Variants in SH3D21 observed in about 807,000 individuals in gnomAD.
SH3D21 encodes manchette microtubule inner protein 1.
A neutral mutation model predicts 82.1 loss-of-function variants in SH3D21; 83 were observed. That is an observed-to-expected ratio of 1.01 (90% CI 0.85 to 1.21). The LOEUF is 1.21. Among genes scored for constraint, SH3D21 ranks in the 50% most tolerant of loss-of-function variants. The pLI is 0.00. For synonymous variants in SH3D21, 383 were observed against 387.8 expected (o/e 0.99, Z 0.15); for missense variants, 980 against 962.1 (o/e 1.02, Z -0.25).
chr1:36,311,250 T>A (rs1164643239), intron 10 of SH3D21, among the ~76,000 whole-genome samples: 2 of 151,630 alleles, frequency 1.3e-5, no homozygotes, highest in East Asian at 3.9e-4. Flanking sequence ...TTTGTTTGTT[T>A]GATTGTTTTT....
At chr1:36,322,408 C>T (rs1289253382), downstream of SH3D21, 1 of 1,600,606 alleles carries the variant, frequency 6.2e-7, no homozygotes, top group Non-Finnish European at 8.5e-7. Flanking sequence ...AGGATCCGTT[C>T]GCGCTCCTCC....
downstream of SH3D21, chr1:36,322,521 G>T (rs779886034): frequency 2.5e-6 from 4 of 1,600,856 alleles, no homozygotes; most frequent in South Asian, 4.4e-5. Flanking sequence ...CGTGTCGTCG[G>T]GGCCCAGCCG....
chr1:36,320,670 G>A lies in SH3D21; in HGVS notation c.2007G>A (p.Thr669=), dbSNP rs1332038004. 2 of 1,614,252 alleles carry A rather than the reference G, an allele frequency of 1.2e-6. No homozygotes were observed. The highest frequency in any genetic ancestry group is 4.5e-5 in the East Asian group (2 of 44,892). ...PIKPPPDSQE[T]LALPSLVPQN... is the part of the protein sequence containing the mutation. ...AGCCGCCTCCAGACTCCCAAGAGAC[G>A]CTCGCGCTCCCCTCGCTGGTCCCGC... is the stretch of plus-strand genomic sequence containing the variant. Residue 669 remains threonine, a synonymous_variant, in exon 14 of 16, where the codon ACG becomes ACA. Coordinates refer to ENST00000453908, the MANE Select transcript of SH3D21 (RefSeq NM_001162530.2).
intron 10 of SH3D21, among the ~76,000 whole-genome samples, chr1:36,318,419 T>C (rs1646380046): frequency 6.6e-6 from 1 of 152,036 alleles, no homozygotes; most frequent in Non-Finnish European, 1.5e-5. Flanking sequence ...TTGATGAAAA[T>C]TAAACCCATA....
At chr1:36,308,507 G>A in intron 9 of SH3D21, 32 bp downstream of exon 9, 1 of 1,540,808 alleles carries the variant, frequency 6.5e-7, no homozygotes, top group South Asian at 1.2e-5. Flanking sequence ...TCAGGTGGCA[G>A]GGGCAGGCTA....
At position 36,320,230 on chromosome 1, in the gene SH3D21, G is replaced by A. The variant is rs1646423056; in HGVS notation, c.1567G>A (p.Asp523Asn). The change falls in exon 14 of 16, where the codon GAT becomes AAT. Residue 523 changes from aspartate to asparagine, a missense_variant. Transcript: ENST00000453908. Reference protein sequence around the residue: ...QKVKYFVAKEDPSSQEEAHTP... With the variant: ...QKVKYFVAKENPSSQEEAHTP... ...GGTCAAGTACTTTGTAGCCAAAGAGGATCCATCATCCCAGGAGGAGGCCCA... is the reference window on the plus strand; with the variant it reads ...GGTCAAGTACTTTGTAGCCAAAGAGAATCCATCATCCCAGGAGGAGGCCCA... 5 of 1,613,152 alleles carry A rather than the reference G, an allele frequency of 3.1e-6. No individual in the cohort carries two copies. Among genetic ancestry groups the A allele is most frequent in the Non-Finnish European group, 4.2e-6 (5 of 1,180,002 alleles).
In SH3D21 at chr1:36,313,972, C is replaced by CTTTTTTTTTGTTTTTTTTTTT. The variant is rs1646291499; in HGVS notation, c.769+4391_769+4392insGTTTTTTTTTTTTTTTTTTTT. On this transcript the variant is annotated intron_variant, in intron 10 of 15. Transcript: ENST00000453908. ...TGGCTAATGATGCTGAACATATTTT[C>CTTTTTTTTTGTTTTTTTTTTT]TTTTTTTTTTTTTTTTTTTTGAGAC... 5.4e-5 allele frequency among the ~76,000 whole-genome samples: 2 copies of CTTTTTTTTTGTTTTTTTTTTT among 36,784 alleles called. 1 individual carries two copies. The highest frequency in any genetic ancestry group is 1.1e-4 in the Non-Finnish European group (2 of 18,480). The allele number at this position is 36,784 out of a possible 152,430, so 24.1% of individuals were successfully genotyped here.
intron 14 of SH3D21, 44 bp downstream of exon 14, chr1:36,320,842 TAGCCCTCACCTGCGCAGCCCCTCACCTCC>T (rs753853307): frequency 2.2e-5 from 34 of 1,550,174 alleles, no homozygotes; most frequent in Middle Eastern, 1.7e-4. Flanking sequence ...GGGTTCCCCC[TAGCCCTCACCTGCGCAGCCCCTCACCTCC>T]AGCCCTCACC....
chr1:36,310,100 G>A (rs1256883359), intron 10 of SH3D21, among the ~76,000 whole-genome samples: 1 of 151,778 alleles, frequency 6.6e-6, no homozygotes, highest in Non-Finnish European at 1.5e-5. Flanking sequence ...GACTACAGGC[G>A]CCCGCCACCA....
intron 10 of SH3D21, 48 bp from the exon 11 acceptor site, chr1:36,319,021 CAG>C (rs1010609515): frequency 1.8e-6 from 2 of 1,140,594 alleles, no homozygotes; most frequent in African/African-American, 3.1e-5. Context: ...CAGCACAAGA[CAG>C]GGCTAGCGAC....
chr1:36,310,244 G>T (rs1333085636), intron 10 of SH3D21, among the ~76,000 whole-genome samples: 2 of 152,220 alleles, frequency 1.3e-5, no homozygotes, highest in Non-Finnish European at 2.9e-5. Context: ...GTGAGCCACT[G>T]CGCCCAGCCT....
chr1:36,319,567 A>T (rs781733315), intron 13 of SH3D21, 31 bp downstream of exon 13: 2 of 1,551,532 alleles, frequency 1.3e-6, no homozygotes, highest in South Asian at 2.4e-5. Context: ...GAGAGTGGGG[A>T]TGCTGGGCAG....
rs1292883275 is a variant in SH3D21, at chr1:36,307,764, C to G, written c.437-6C>G. 6.4e-7 allele frequency: 1 copy of G among 1,551,576 alleles called. No individual in the cohort carries two copies. The highest frequency in any genetic ancestry group is 8.7e-7 in the Non-Finnish European group (1 of 1,146,940). On this transcript the variant is annotated splice_region_variant and splice_polypyrimidine_tract_variant and intron_variant, in intron 5 of 15. Coordinates refer to ENST00000453908, the MANE Select transcript of SH3D21 (RefSeq NM_001162530.2). The surrounding 1 kb of genome is among the most constrained non-coding windows in gnomAD (Gnocchi z 5.4). Reference sequence around the variant, plus strand: ...CACCCTCCCTAACCTCACTGTCCCCCACTAGGCCTTGGTAACCCAGACATG... The same window carrying G: ...CACCCTCCCTAACCTCACTGTCCCCGACTAGGCCTTGGTAACCCAGACATG...
chr1:36,318,399 C>G (rs1320817038), intron 10 of SH3D21, among the ~76,000 whole-genome samples: 2 of 152,068 alleles, frequency 1.3e-5, no homozygotes, highest in Non-Finnish European at 2.9e-5. Context: ...ATTTGGGAGT[C>G]ATTGACTTAT....
chr1:36,314,207 C>T (rs1646299248), intron 10 of SH3D21, among the ~76,000 whole-genome samples: 1 of 150,956 alleles, frequency 6.6e-6, no homozygotes, highest in African/African-American at 2.4e-5. Flanking sequence ...GATCTCCTGA[C>T]CTCGTGATTC....
In SH3D21 at chr1:36,321,242, C is replaced by A; in HGVS notation, c.*115C>A. ...CTGCCTAGCACGGCGCCACGCCGGT[C>A]TGGTCGCTGGGGGCGGGGCCTGCGC... On this transcript the variant is annotated 3_prime_UTR_variant, in exon 16 of 16. Transcript: ENST00000453908. This position sits in a 1 kb window ranked among gnomAD's most constrained non-coding sequence, Gnocchi z 6.1. The A allele has an allele frequency of 6.8e-7, 1 of 1,480,854 alleles. No homozygotes were observed. The highest frequency in any genetic ancestry group is 1.4e-5 in the South Asian group (1 of 73,908). The allele number at this position is 1,480,854 out of a possible 1,614,324, so 91.7% of individuals were successfully genotyped here. A position where few individuals can be genotyped will look rare whatever the true frequency, so the allele number is the denominator to read the frequency against.
At chr1:36,313,185 A>G (rs919709879) in intron 10 of SH3D21, among the ~76,000 whole-genome samples, 2 of 151,908 alleles carry the variant, frequency 1.3e-5, no homozygotes, top group Non-Finnish European at 2.9e-5. Context: ...TTAGCCAGGC[A>G]TGGTGGCACA....
At chr1:36,323,025 G>GC, downstream of SH3D21, 3 of 1,599,940 alleles carry the variant, frequency 1.9e-6, no homozygotes, top group Non-Finnish European at 1.7e-6. Context: ...ATGTCCCTTC[G>GC]CGGGGCATCC....
chr1:36,322,612 C>G, downstream of SH3D21: 1 of 1,549,612 alleles, frequency 6.5e-7, no homozygotes, highest in Non-Finnish European at 8.7e-7. Context: ...TGAGCCGGGC[C>G]CCGGGGCCGC....
Sources: allele counts gnomAD v4.1 joint callset (sites outside exome capture counted in the v4.1 genomes callset), GRCh38; gene constraint gnomAD v4.1.1; non-coding constraint Gnocchi (gnomAD v3.1); transcripts MANE v1.5; gene names NCBI Gene and HGNC (gene_info 2026-07-23, HGNC 2026-07-21).